LRP5: variants seen among roughly 807,000 people sequenced by gnomAD.
The protein encoded by LRP5 is LDL receptor related protein 5.
LRP5 carries 62 observed loss-of-function variants against 154.1 expected under a neutral mutation model. The observed-to-expected ratio is 0.40, with a 90% CI of 0.33 to 0.50. LRP5 has a LOEUF of 0.50. Ranked by LOEUF, LRP5 falls within the 20% of genes least tolerant of loss-of-function variation. LRP5 has a pLI of 0.55. For synonymous variants in LRP5, 966 were observed against 1,011.5 expected (o/e 0.96, Z 0.85); for missense variants, 1,915 against 2,336.7 (o/e 0.82, Z 3.72).
At chr11:68,403,416 G>A (rs1208959363) in intron 7 of LRP5, 67 bp from the exon 8 acceptor site, 3 of 1,434,564 alleles carry the variant, frequency 2.1e-6, no homozygotes, top group Non-Finnish European at 2.9e-6. Context: ...GCCCCAGGCA[G>A]GGTCCGGGTT....
Position 68,439,942 on chromosome 11 carries a change from G to A in LRP5, c.4488+26G>A, listed in dbSNP as rs768036361. 8.7e-6 allele frequency: 13 copies of A among 1,494,890 alleles called. No individual in the cohort carries two copies. The Admixed American group carries it at 1.0e-4, about 12-fold the overall frequency. The allele number at this position is 1,494,890 out of a possible 1,614,324, so 92.6% of individuals were successfully genotyped here. ...GTGAGGGGCGGGGCCGGGGAGGGGC[G>A]GGGCGGGATGGGGCTGTGGGCCCCT... On this transcript the variant is annotated intron_variant, in intron 21 of 22. Transcript: ENST00000294304.
rs775399508 is a variant in LRP5 at position 68,438,450 on chromosome 11, C to G, written c.4116C>G (p.Ile1372Met). 6.2e-7 allele frequency: 1 copy of G among 1,614,042 alleles called. No individual in the cohort carries two copies. The highest frequency in any genetic ancestry group is 1.7e-5 in the Admixed American group (1 of 60,034). Residue 1372 changes from isoleucine to methionine, a missense_variant, in exon 20 of 23, where the codon ATC becomes ATG. Transcript: ENST00000294304. The stretch of plus-strand genomic sequence containing the variant: ...CTTTCTGTTTGTCTCTGGCAGAAAT[C>G]ACCAAGCCGCCCTCAGACGACAGCC... ...IDGSDELMCEITKPPSDDSPA... is the reference protein window; with the variant it reads ...IDGSDELMCEMTKPPSDDSPA...
chr11:68,409,880 A>C (rs746267149), intron 9 of LRP5, 34 bp from the exon 10 acceptor site: 2 of 1,524,202 alleles, frequency 1.3e-6, no homozygotes, highest in Non-Finnish European at 1.8e-6. Flanking sequence ...CTGGTTCCTA[A>C]AATGTGGCCC....
rs567700633 is a variant in LRP5 at position 68,423,252 on chromosome 11, G to C, written c.3028-237G>C. Among the ~76,000 whole-genome samples the C allele has an allele frequency of 1.3e-5, 2 of 152,256 alleles. No individual in the cohort carries two copies. The highest frequency in any genetic ancestry group is 4.1e-4 in the South Asian group (2 of 4,820). On this transcript the variant is annotated intron_variant, in intron 13 of 22. Coordinates refer to ENST00000294304, the MANE Select transcript of LRP5 (RefSeq NM_002335.4). This position sits in a 1 kb window ranked among gnomAD's most constrained non-coding sequence, Gnocchi z 4.7. ...CATACTCAGGCGGGCACGTAGTTAG[G>C]AGCTGATTGGAGAGGAGAGACCCCC... is the stretch of plus-strand genomic sequence containing the variant.
intron 2 of LRP5, among the ~76,000 whole-genome samples, chr11:68,356,402 A>G (rs1032660262): frequency 6.6e-5 from 10 of 151,982 alleles, no homozygotes; most frequent in Non-Finnish European, 1.3e-4. Flanking sequence ...CTCCCGAAGT[A>G]CTGGAATTAC....
intron 11 of LRP5, among the ~76,000 whole-genome samples, chr11:68,412,245 G>C (rs894944152): frequency 1.3e-5 from 2 of 152,192 alleles, no homozygotes; most frequent in Non-Finnish European, 2.9e-5. Flanking sequence ...TGCTAGAGTA[G>C]TTAGCTGTCC....
At chr11:68,326,861 G>A (rs1348046194) in intron 1 of LRP5, among the ~76,000 whole-genome samples, 1 of 152,204 alleles carries the variant, frequency 6.6e-6, no homozygotes, top group African/African-American at 2.4e-5. Context: ...GTGGGGAGGG[G>A]TCCCCGGGGA....
At chr11:68,388,915 C>T (rs1408868477) in intron 6 of LRP5, among the ~76,000 whole-genome samples, 1 of 152,250 alleles carries the variant, frequency 6.6e-6, no homozygotes, top group East Asian at 1.9e-4. Flanking sequence ...CACTTACTGA[C>T]ACCAGCATCT....
the LRP5 span, among the ~76,000 whole-genome samples, chr11:68,305,378 A>G: frequency 1.5e-3 from 222 of 152,052 alleles, no homozygotes; most frequent in African/African-American, 5.2e-3. Context: ...ATGCTTGTAC[A>G]GCCTGCAGAA....
Position 68,312,803 on chromosome 11 carries a change from C to CCCG in LRP5, c.89_90insCCG (p.Ala30_Ala31insArg). ...CTGTGCGGCTGCCCGGCCCCCGCCG[C>CCCG]GGGTAGGTGGGCGCAGGCCGGCCGG... On this transcript the variant is annotated inframe_insertion and splice_region_variant, in exon 1 of 23. Transcript: ENST00000294304. 1 of 1,073,704 alleles carries CCCG rather than the reference C, an allele frequency of 9.3e-7. No homozygotes were observed. Among genetic ancestry groups the CCCG allele is most frequent in the Non-Finnish European group, 1.1e-6 (1 of 883,842 alleles). 66.5% of individuals were successfully genotyped at this position (1,073,704 alleles called of 1,614,324 possible).
chr11:68,414,156 A>G (rs2153168341), intron 12 of LRP5, 144 bp downstream of exon 12: 4 of 803,038 alleles, frequency 5.0e-6, no homozygotes, highest in Non-Finnish European at 8.3e-6. Flanking sequence ...AAGCTGCATG[A>G]TGCTACCTGG....
rs1370222607 is a variant in LRP5 at position 68,403,383 on chromosome 11, C to T, written c.1585-100C>T. The T allele has an allele frequency of 1.3e-4, 135 of 1,003,544 alleles. 1 individual carries two copies. The East Asian group carries it at 3.0e-3, about 22-fold the overall frequency. 62.2% of individuals were successfully genotyped at this position (1,003,544 alleles called of 1,614,324 possible). A position where few individuals can be genotyped will look rare whatever the true frequency, so the allele number is the denominator to read the frequency against. On this transcript the variant is annotated intron_variant, in intron 7 of 22. Transcript: ENST00000294304. ...AAGTTGCGGCTCTTGGGCATTGAAC[C>T]CGTCTTGTTTGGGGCAGCTCAGGCC...
rs1213410316 is a variant in LRP5 at position 68,356,807 on chromosome 11, C to T, written c.489-843C>T. Among the ~76,000 whole-genome samples, 3 of 152,332 alleles carry T rather than the reference C, an allele frequency of 2.0e-5. No individual in the cohort carries two copies. The East Asian group carries it at 5.8e-4, about 29-fold the overall frequency. Reference sequence around the variant, plus strand: ...ACTCCTGGCAACCACTGATGCTTTACTGTCTCTGTGTATTTGCTTTTTCCA... The same window carrying T: ...ACTCCTGGCAACCACTGATGCTTTATTGTCTCTGTGTATTTGCTTTTTCCA... On this transcript the variant is annotated intron_variant, in intron 2 of 22. Coordinates refer to ENST00000294304, the MANE Select transcript of LRP5 (RefSeq NM_002335.4).
intron 21 of LRP5, among the ~76,000 whole-genome samples, chr11:68,441,457 CT>C (rs2098678171): frequency 6.6e-6 from 1 of 152,194 alleles, no homozygotes; most frequent in Admixed American, 6.5e-5. Context: ...TCTTGGTTTC[CT>C]GGACAGTAAC....
chr11:68,357,881 C>T, intron 3 of LRP5, 34 bp downstream of exon 3: 1 of 1,576,094 alleles, frequency 6.3e-7, no homozygotes, highest in Non-Finnish European at 8.6e-7. Flanking sequence ...GCACCCCTTT[C>T]CCCTTTGTCC....
At chr11:68,401,575 A>C (rs997622026) in intron 7 of LRP5, among the ~76,000 whole-genome samples, 4 of 152,188 alleles carry the variant, frequency 2.6e-5, no homozygotes, top group Admixed American at 6.5e-5. Context: ...CAGGTGGAGA[A>C]ACTGAGACCC....
At chr11:68,336,596 GA>G (rs1346612977) in intron 1 of LRP5, among the ~76,000 whole-genome samples, 48 of 152,072 alleles carry the variant, frequency 3.2e-4, no homozygotes, top group Admixed American at 3.1e-3. Context: ...AGCCTCCTGA[GA>G]AGCTGGGATT....
At chr11:68,409,095 T>TATATATATATATATATATATATAC (rs1311618305) in intron 9 of LRP5, among the ~76,000 whole-genome samples, 20 of 27,576 alleles carry the variant, frequency 7.3e-4, no homozygotes, top group Non-Finnish European at 1.1e-3. Context: ...TATATATATA[T>TATATATATATATATATATATATAC]ACACACACAT....
upstream of LRP5, among the ~76,000 whole-genome samples, chr11:68,312,357 G>C (rs1236453954): frequency 1.3e-5 from 2 of 151,798 alleles, no homozygotes; most frequent in Non-Finnish European, 1.5e-5. Context: ...ATCGGCCGCC[G>C]GGCCCCGCGG....
Sources: allele counts gnomAD v4.1 joint callset (sites outside exome capture counted in the v4.1 genomes callset), GRCh38; gene constraint gnomAD v4.1.1; non-coding constraint Gnocchi (gnomAD v3.1); transcripts MANE v1.5; gene names NCBI Gene and HGNC (gene_info 2026-07-23, HGNC 2026-07-21).